The following NADSYN1 variants were observed in gnomAD, a reference collection of about 807,000 sequenced individuals.
NADSYN1 encodes glutamine-dependent NAD(+) synthetase.
In NADSYN1, 80 loss-of-function variants were observed where a neutral mutation model predicts 99.3. That is an observed-to-expected ratio of 0.81 (90% CI 0.67 to 0.97). NADSYN1 has a LOEUF of 0.97. Ranked by LOEUF, NADSYN1 falls within the 50% of genes least tolerant of loss-of-function variation. The probability of loss-of-function intolerance (pLI) is 0.00; values close to 1 mark genes in which losing one functional copy is unlikely to be tolerated. For synonymous variants in NADSYN1, 385 were observed against 372.1 expected (o/e 1.03, Z -0.40); for missense variants, 859 against 948.5 (o/e 0.91, Z 1.24).
intron 20 of NADSYN1, chr11:71,498,764 A>T: frequency 2.4e-6 from 1 of 419,112 alleles, no homozygotes; most frequent in Non-Finnish European, 4.3e-6. Context: ...TATGTGTGTC[A>T]CAGTGGAATG....
At chr11:71,488,747 C>T (rs896061646) in intron 16 of NADSYN1, among the ~76,000 whole-genome samples, 3 of 152,276 alleles carry the variant, frequency 2.0e-5, no homozygotes, top group South Asian at 4.1e-4. Context: ...CTCCTGGGCT[C>T]AAACAATCCT....
At position 71,473,660 on chromosome 11, in the gene NADSYN1, G is replaced by A. The variant is rs1422387899; in HGVS notation, c.640G>A (p.Asp214Asn). The change falls in exon 8 of 21, where the codon GAT (aspartate) becomes AAT (asparagine). Residue 214 changes from aspartate to asparagine, a missense_variant. By Grantham distance (23) the Asp-to-Asn change is conservative (BLOSUM62 1). Coordinates refer to ENST00000319023, the MANE Select transcript of NADSYN1 (RefSeq NM_018161.5). ...QVLRKANTRVDLVTMVTSKNG... is the reference protein window; with the variant it reads ...QVLRKANTRVNLVTMVTSKNG... ...GCTGCGCAAAGCCAACACCAGGGTG[G>A]ATCTCGTGACTATGGTCACCAGCAA... 1 of 1,612,956 alleles carries A rather than the reference G, an allele frequency of 6.2e-7. No homozygotes were observed. The highest frequency in any genetic ancestry group is 2.2e-5 in the East Asian group (1 of 44,882).
intron 5 of NADSYN1, among the ~76,000 whole-genome samples, chr11:71,471,941 T>G (rs1218804910): frequency 1.3e-5 from 2 of 149,812 alleles, no homozygotes; most frequent in African/African-American, 4.8e-5. Context: ...AGATTCCGCC[T>G]CTTGGTGGAG....
intron 18 of NADSYN1, among the ~76,000 whole-genome samples, chr11:71,495,275 TG>T (rs1949811625): frequency 6.6e-6 from 1 of 152,266 alleles, no homozygotes; most frequent in African/African-American, 2.4e-5. Context: ...ACTTCCTCCT[TG>T]ATCCATTGAT....
chr11:71,461,041 TTTTGCCTACAACTGTTTTTG>T (rs1323828022), intron 3 of NADSYN1: 2 of 152,258 alleles, frequency 1.3e-5, no homozygotes, highest in African/African-American at 4.8e-5. Flanking sequence ...TTACCTGGTT[TTTTGCCTACAACTGTTTTTG>T]TCTCTTTTAA....
intron 16 of NADSYN1, among the ~76,000 whole-genome samples, chr11:71,486,987 T>C (rs1949747357): frequency 6.6e-6 from 1 of 151,990 alleles, no homozygotes; most frequent in Non-Finnish European, 1.5e-5. Flanking sequence ...TTTGTATTTT[T>C]AGTAGAGACG....
At chr11:71,468,682 A>G (rs1231541949) in intron 5 of NADSYN1, among the ~76,000 whole-genome samples, 2 of 152,242 alleles carry the variant, frequency 1.3e-5, no homozygotes, top group Non-Finnish European at 2.9e-5. Flanking sequence ...ATAAAAATGG[A>G]TACAATAATT....
At chr11:71,475,709 C>G (rs1210813364) in intron 9 of NADSYN1, 2 of 257,952 alleles carry the variant, frequency 7.8e-6, no homozygotes, top group Admixed American at 5.1e-5. Flanking sequence ...GGCCACTCTC[C>G]CTTTCGGTTG....
chr11:71,488,530 C>T (rs541350630), intron 16 of NADSYN1, among the ~76,000 whole-genome samples: 1 of 152,156 alleles, frequency 6.6e-6, no homozygotes, highest in South Asian at 2.1e-4. Flanking sequence ...GGAAAGTGTG[C>T]GGCGTGTCGG....
At chr11:71,476,648 C>T (rs1316214384) in intron 9 of NADSYN1, 11 of 985,808 alleles carry the variant, frequency 1.1e-5, no homozygotes, top group South Asian at 4.7e-5. Context: ...CATCATTAAC[C>T]GCGACAGAGC....
At chr11:71,491,568 G>A (rs113469144) in intron 17 of NADSYN1, among the ~76,000 whole-genome samples, 76 of 152,254 alleles carry the variant, frequency 5.0e-4, no homozygotes, top group African/African-American at 1.8e-3. Context: ...GGTGTGCCCG[G>A]TGCCCAGTGG....
In NADSYN1 at chr11:71,474,848, G is replaced by A. The variant is rs575319419; in HGVS notation, c.798+322G>A. 1.6e-3 allele frequency: 603 copies of A among 377,748 alleles called. 3 individuals are homozygous for A. Among genetic ancestry groups the A allele is most frequent in the African/African-American group, 0.012 (562 of 47,804 alleles). 23.4% of individuals were successfully genotyped at this position (377,748 alleles called of 1,614,324 possible). ...TGGTGAGGGGGGACCTCCCGCCCTCGGGTCTGGAGACAGCTGAACCCCGAC... is the reference window on the plus strand; with the variant it reads ...TGGTGAGGGGGGACCTCCCGCCCTCAGGTCTGGAGACAGCTGAACCCCGAC... On this transcript the variant is annotated intron_variant, in intron 9 of 20. Coordinates refer to ENST00000319023, the MANE Select transcript of NADSYN1 (RefSeq NM_018161.5).
chr11:71,470,412 C>T (rs770883087), intron 5 of NADSYN1, among the ~76,000 whole-genome samples: 9 of 152,244 alleles, frequency 5.9e-5, no homozygotes, highest in Admixed American at 1.3e-4. Flanking sequence ...GAGAGAGCAG[C>T]GCACGCTGGG....
At chr11:71,476,085 G>T in intron 9 of NADSYN1, 1 of 456,250 alleles carries the variant, frequency 2.2e-6, no homozygotes, top group Non-Finnish European at 4.4e-6. Flanking sequence ...AATCCCAAGT[G>T]CACAAATACA....
At chr11:71,463,586 C>A in intron 4 of NADSYN1, 101 bp downstream of exon 4, 7 of 1,161,782 alleles carry the variant, frequency 6.0e-6, no homozygotes, top group Non-Finnish European at 8.7e-6. Flanking sequence ...GGACCCGTTG[C>A]TGGGAGGCTG....
At chr11:71,478,925 C>G (rs897834908) in intron 10 of NADSYN1, 2 of 163,720 alleles carry the variant, frequency 1.2e-5, no homozygotes, top group Non-Finnish European at 1.4e-5. Context: ...GCAAGTAACG[C>G]CCCTCCTGCA....
chr11:71,477,159 AG>A (rs1949673218), intron 9 of NADSYN1: 1 of 1,138,992 alleles, frequency 8.8e-7, no homozygotes, highest in African/African-American at 1.7e-5. Context: ...CGCGTTTCTC[AG>A]GGTCTTCCTA....
intron 15 of NADSYN1, chr11:71,484,737 A>G (rs1219160516): frequency 5.1e-6 from 2 of 391,516 alleles, no homozygotes; most frequent in Admixed American, 3.7e-5. Context: ...GAGTGTGTGC[A>G]TGAGCCTGAG....
chr11:71,478,317 C>A, intron 9 of NADSYN1, 78 bp from the exon 10 acceptor site: 1 of 1,256,596 alleles, frequency 8.0e-7, no homozygotes, highest in Non-Finnish European at 1.1e-6. Context: ...GTGACAACAC[C>A]TTTGACAGTG....
Sources: gnomAD v4.1 joint callset for allele counts (sites outside exome capture counted in the v4.1 genomes callset) on GRCh38, gnomAD v4.1.1 for gene constraint, MANE v1.5 for transcripts, NCBI Gene and HGNC (gene_info 2026-07-23, HGNC 2026-07-21) for gene names.